Variants in RARS1 observed in about 807,000 individuals in gnomAD.
RARS1 encodes the protein arginine--tRNA ligase, cytoplasmic.
Under a neutral mutation model 78.7 loss-of-function variants are expected in RARS1, and 75 were observed. The observed-to-expected ratio is 0.95, with a 90% CI of 0.79 to 1.15. The LOEUF is 1.15. Among genes scored for constraint, RARS1 ranks in the 50% most tolerant of loss-of-function variants. The pLI is 0.00. For synonymous variants in RARS1, 273 were observed against 268.2 expected (o/e 1.02, Z -0.18); for missense variants, 787 against 787.5 (o/e 1.00, Z 0.01).
intron 12 of RARS1, among the ~76,000 whole-genome samples, chr5:168,514,330 G>A (rs966556188): frequency 1.3e-5 from 2 of 151,864 alleles, no homozygotes; most frequent in African/African-American, 4.8e-5. Context: ...TGTTATTTTT[G>A]GTACTCCAAG....
chr5:168,495,324 G>T lies in RARS1; in HGVS notation c.589G>T (p.Asp197Tyr). The T allele has an allele frequency of 1.2e-6, 2 of 1,613,512 alleles. No individual in the cohort carries two copies. The highest frequency in any genetic ancestry group is 2.2e-5 in the South Asian group (2 of 91,000). ...ALGENKKVIV[D>Y]FSSPNIAKEM... Reference sequence around the variant, plus strand: ...TTTTTGTCTACCCCAGGTTATAGTTGACTTTTCCTCCCCTAATATAGCTAA... The same window carrying T: ...TTTTTGTCTACCCCAGGTTATAGTTTACTTTTCCTCCCCTAATATAGCTAA... The change falls in exon 6 of 15, where the codon GAC becomes TAC. Residue 197 changes from aspartate (D) to tyrosine (Y), a missense_variant. Asp to Tyr is a radical substitution (Grantham distance 160). Coordinates refer to ENST00000231572, the MANE Select transcript of RARS1 (RefSeq NM_002887.4).
At chr5:168,490,002 C>T (rs1758049111) in intron 2 of RARS1, among the ~76,000 whole-genome samples, 3 of 152,020 alleles carry the variant, frequency 2.0e-5, no homozygotes, top group South Asian at 2.1e-4. Flanking sequence ...TTAGTAGAGA[C>T]GAGGTTTCTC....
chr5:168,498,304 C>T (rs989442479), intron 7 of RARS1, among the ~76,000 whole-genome samples: 1 of 151,622 alleles, frequency 6.6e-6, no homozygotes, highest in East Asian at 1.9e-4. Flanking sequence ...GTTTATTAAT[C>T]AATGCATTAT....
intron 12 of RARS1, among the ~76,000 whole-genome samples, chr5:168,512,672 C>G (rs1758587999): frequency 6.6e-6 from 1 of 152,178 alleles, no homozygotes; most frequent in South Asian, 2.1e-4. Flanking sequence ...CAGGAAGCAT[C>G]CAGCACGGGA....
rs1758541470 is a variant in RARS1, at chr5:168,510,450, G to A, written c.1347-131G>A. The stretch of plus-strand genomic sequence containing the variant: ...AACCCTCTCTTAATAGTTCTCAGGG[G>A]CAATATGTACCTTAGAGATTTAAAA... On this transcript the variant is annotated intron_variant, in intron 11 of 14. Transcript: ENST00000231572. The A allele has an allele frequency of 1.6e-5, 11 of 686,094 alleles. No individual in the cohort carries two copies. The South Asian group carries it at 1.7e-4, about 11-fold the overall frequency. The allele number at this position is 686,094 out of a possible 1,614,324, so 42.5% of individuals were successfully genotyped here.
At chr5:168,517,718 C>G in intron 13 of RARS1, 97 bp from the exon 14 acceptor site, 2 of 1,486,714 alleles carry the variant, frequency 1.3e-6, no homozygotes, top group Non-Finnish European at 1.8e-6. Flanking sequence ...TTTATAGGAA[C>G]TTCTTTTTAA....
intron 3 of RARS1, 61 bp downstream of exon 3, chr5:168,492,908 C>T: frequency 1.5e-6 from 2 of 1,326,752 alleles, no homozygotes; most frequent in Non-Finnish European, 2.1e-6. Flanking sequence ...TCATCATTGC[C>T]ATTTACAGAA....
intron 12 of RARS1, among the ~76,000 whole-genome samples, chr5:168,512,683 G>C (rs1016472209): frequency 6.6e-6 from 1 of 152,224 alleles, no homozygotes; most frequent in African/African-American, 2.4e-5. Flanking sequence ...CAGCACGGGA[G>C]AAAGATGTAG....
chr5:168,502,167 G>A, intron 9 of RARS1, 62 bp downstream of exon 9: 1 of 1,554,432 alleles, frequency 6.4e-7, no homozygotes, highest in Non-Finnish European at 8.7e-7. Flanking sequence ...AAAGTGGATA[G>A]AATTTATAGT....
intron 7 of RARS1, among the ~76,000 whole-genome samples, chr5:168,499,742 CAT>C (rs1476864166): frequency 9.9e-5 from 15 of 150,858 alleles, no homozygotes; most frequent in Middle Eastern, 3.5e-3. Flanking sequence ...TTTCATAAAA[CAT>C]ATATGTGTAT....
At chr5:168,500,079 T>G (rs188609497) in intron 7 of RARS1, among the ~76,000 whole-genome samples, 1 of 151,570 alleles carries the variant, frequency 6.6e-6, no homozygotes, top group East Asian at 2.0e-4. Context: ...TCCCAGCTAC[T>G]TGGAGGCTGA....
At chr5:168,495,952 C>T (rs1441085785) in intron 6 of RARS1, among the ~76,000 whole-genome samples, 1 of 151,974 alleles carries the variant, frequency 6.6e-6, no homozygotes, top group African/African-American at 2.4e-5. Context: ...AGTTCTAGGC[C>T]AGCTTGGGCA....
At chr5:168,511,342 C>T (rs1205180507) in intron 12 of RARS1, among the ~76,000 whole-genome samples, 1 of 151,766 alleles carries the variant, frequency 6.6e-6, no homozygotes, top group Non-Finnish European at 1.5e-5. Context: ...TCTGGGAAGG[C>T]CTCAGGGAAC....
chr5:168,510,770 T>A, intron 12 of RARS1, 84 bp downstream of exon 12: 2 of 940,040 alleles, frequency 2.1e-6, no homozygotes, highest in Non-Finnish European at 3.2e-6. Flanking sequence ...TGAGGAGAAG[T>A]GTGAGGAGTC....
intron 1 of RARS1, 119 bp downstream of exon 1, chr5:168,486,662 G>A (rs115901063): frequency 0.011 from 10,636 of 985,392 alleles, 92 homozygotes; most frequent in Middle Eastern, 0.016. Flanking sequence ...CTCTCAGAGT[G>A]GAGCGGCACG....
chr5:168,514,211 T>C (rs920613600), intron 12 of RARS1, among the ~76,000 whole-genome samples: 1 of 152,186 alleles, frequency 6.6e-6, no homozygotes, highest in Admixed American at 6.6e-5. Flanking sequence ...ATTTTTGTTT[T>C]TACCCTTTGG....
chr5:168,494,258 G>T (rs1758138310), intron 4 of RARS1: 1 of 985,282 alleles, frequency 1.0e-6, no homozygotes, highest in South Asian at 4.7e-5. Flanking sequence ...ATAGATAATG[G>T]CAGATAAGTC....
chr5:168,518,453 A>C (rs1271736634), intron 14 of RARS1, among the ~76,000 whole-genome samples: 1 of 152,242 alleles, frequency 6.6e-6, no homozygotes, highest in East Asian at 1.9e-4. Context: ...CAATCAGTCT[A>C]CTTTTCTACA....
At chr5:168,494,421 G>A in intron 4 of RARS1, 129 bp from the exon 5 acceptor site, 1 of 1,485,438 alleles carries the variant, frequency 6.7e-7, no homozygotes, top group Non-Finnish European at 8.9e-7. Flanking sequence ...CTTAAGTCAA[G>A]GCCACAACTG....
Sources: allele counts gnomAD v4.1 joint callset (sites outside exome capture counted in the v4.1 genomes callset), GRCh38; gene constraint gnomAD v4.1.1; transcripts MANE v1.5; gene names NCBI Gene and HGNC (gene_info 2026-07-23, HGNC 2026-07-21).